The following SMG1 variants were observed in gnomAD, a reference collection of about 807,000 sequenced individuals.
SMG1 encodes SMG1 nonsense mediated mRNA decay associated PI3K related kinase.
SMG1 carries 22 observed loss-of-function variants against 419.9 expected under a neutral mutation model. That is an observed-to-expected ratio of 0.05 (90% CI 0.04 to 0.07). The LOEUF (loss-of-function observed/expected upper bound fraction) is 0.07, where lower values mean the gene tolerates loss of function less well. SMG1 is among the 10% of genes least tolerant of loss of function. The probability of loss-of-function intolerance (pLI) is 1.00; values close to 1 mark genes in which losing one functional copy is unlikely to be tolerated. For synonymous variants in SMG1, 1,538 were observed against 1,553.5 expected (o/e 0.99, Z 0.23); for missense variants, 3,185 against 4,342.0 (o/e 0.73, Z 7.49).
intron 1 of SMG1, among the ~76,000 whole-genome samples, chr16:18,904,533 G>A (rs2037482070): frequency 6.6e-6 from 1 of 151,960 alleles, no homozygotes; most frequent in Non-Finnish European, 1.5e-5. Flanking sequence ...AGCTACCTGG[G>A]AGGCTGAGGC....
At chr16:18,901,459 C>T (rs1172664558) in intron 1 of SMG1, among the ~76,000 whole-genome samples, 1 of 152,110 alleles carries the variant, frequency 6.6e-6, no homozygotes, top group Non-Finnish European at 1.5e-5. Context: ...AGCAATCCTC[C>T]CACCTCAGCC....
At chr16:18,880,723 G>GGT (rs1555501211) in intron 10 of SMG1, among the ~76,000 whole-genome samples, 1 of 140,428 alleles carries the variant, frequency 7.1e-6, no homozygotes, top group Non-Finnish European at 1.5e-5. Context: ...AAAAAAAAAG[G>GGT]GGGGGGGCGC....
At chr16:18,903,400 C>A (rs1567447667) in intron 1 of SMG1, among the ~76,000 whole-genome samples, 1 of 152,168 alleles carries the variant, frequency 6.6e-6, no homozygotes, top group Non-Finnish European at 1.5e-5. Context: ...TCAAGTGGGC[C>A]TCTGAAGTTG....
At chr16:18,849,489 G>A (rs2141372324) in intron 35 of SMG1, 111 bp from the exon 36 acceptor site, 3 of 1,003,312 alleles carry the variant, frequency 3.0e-6, no homozygotes, top group Non-Finnish European at 4.4e-6. Context: ...CATTAGTACG[G>A]ATTTTAAGAG....
At chr16:18,862,402 A>T (rs2035262899) in intron 25 of SMG1, among the ~76,000 whole-genome samples, 1 of 152,218 alleles carries the variant, frequency 6.6e-6, no homozygotes, top group South Asian at 2.1e-4. Context: ...GCTCTAGAGT[A>T]TAGAGACTGA....
intron 50 of SMG1, 97 bp downstream of exon 50, chr16:18,834,107 C>T (rs1246282079): frequency 1.2e-6 from 1 of 837,286 alleles, no homozygotes; most frequent in African/African-American, 1.7e-5. Flanking sequence ...GAGCAACATT[C>T]AAATGGGGAA....
In SMG1 at chr16:18,829,594, T is replaced by A; in HGVS notation, c.9295A>T (p.Asn3099Tyr). 6.2e-7 allele frequency: 1 copy of A among 1,614,002 alleles called. No homozygotes were observed. Among genetic ancestry groups the A allele is most frequent in the East Asian group, 2.2e-5 (1 of 44,886 alleles). Residue 3099 changes from asparagine (N) to tyrosine (Y), a missense_variant, in exon 54 of 63, where the codon AAC (asparagine) becomes TAC (tyrosine). Physicochemically the swap from Asn to Tyr is moderately radical, Grantham distance 143. Coordinates refer to ENST00000446231, the MANE Select transcript of SMG1 (RefSeq NM_015092.5). ...CACAGTGTGAGTCCGAGGGCTTGGT[T>A]GGGTAGCCCTATCAAGAGCTGCCTC... Reference protein sequence around the residue: ...FVRQLLIGLPNQALGLTLCSF... With the variant: ...FVRQLLIGLPYQALGLTLCSF...
chr16:18,870,425 A>G (rs1446744204), intron 18 of SMG1, among the ~76,000 whole-genome samples, 185 bp downstream of exon 18: 1 of 152,228 alleles, frequency 6.6e-6, no homozygotes, highest in Admixed American at 6.5e-5. Context: ...GCTCATTAAA[A>G]ATTTTTAATT....
Position 18,829,621 on chromosome 16 carries a change from C to G in SMG1, c.9268G>C (p.Val3090Leu). The G allele has an allele frequency of 6.2e-7, 1 of 1,613,986 alleles. No individual in the cohort carries two copies. Among genetic ancestry groups the G allele is most frequent in the African/African-American group, 1.3e-5 (1 of 75,052 alleles). Reference protein sequence around the residue: ...KPIKAFTADFVRQLLIGLPNQ... With the variant: ...KPIKAFTADFLRQLLIGLPNQ... The stretch of plus-strand genomic sequence containing the variant: ...GGTAGCCCTATCAAGAGCTGCCTCA[C>G]AAAGTCAGCTGTGAATGCCTTGATA... Residue 3090 changes from valine to leucine, a missense_variant, in exon 54 of 63, where the codon GTG becomes CTG. This residue lies in a region of SMG1 where 737 missense variants were observed against 846.6 expected (regional missense o/e 0.87). Transcript: ENST00000446231.
chr16:18,817,186 A>C, intron 57 of SMG1, 105 bp downstream of exon 57: 4 of 856,268 alleles, frequency 4.7e-6, no homozygotes, highest in Non-Finnish European at 3.1e-6. Context: ...AACCTCTTAC[A>C]TACAGTATAT....
intron 1 of SMG1, among the ~76,000 whole-genome samples, chr16:18,922,688 C>A (rs1201065599): frequency 6.6e-6 from 1 of 152,104 alleles, no homozygotes; most frequent in African/African-American, 2.4e-5. Context: ...GTCAGTTGGC[C>A]AGGCTGGTCT....
At chr16:18,882,090 C>G in intron 10 of SMG1, 75 bp downstream of exon 10, 2 of 989,954 alleles carry the variant, frequency 2.0e-6, no homozygotes, top group African/African-American at 3.3e-5. Context: ...AACAGTTCAC[C>G]AGGTAAAGAG....
At chr16:18,811,553 G>T (rs1449265899) in intron 62 of SMG1, among the ~76,000 whole-genome samples, 1 of 152,150 alleles carries the variant, frequency 6.6e-6, no homozygotes, top group Non-Finnish European at 1.5e-5. Context: ...CAGGGCTAGG[G>T]GAAAGGAAAG....
At chr16:18,834,697 G>C (rs1012967099) in intron 49 of SMG1, among the ~76,000 whole-genome samples, 195 bp downstream of exon 49, 4 of 152,184 alleles carry the variant, frequency 2.6e-5, no homozygotes, top group African/African-American at 9.7e-5. Context: ...TGTGAGCCGA[G>C]ATCGTGCCAC....
chr16:18,858,760 G>C (rs1469273005), intron 28 of SMG1: 1 of 361,404 alleles, frequency 2.8e-6, no homozygotes, highest in African/African-American at 2.1e-5. Flanking sequence ...TAAAGGAACT[G>C]TCTTTACATA....
In SMG1 at chr16:18,833,098, G is replaced by A; in HGVS notation, c.8634C>T (p.Tyr2878=). 1.9e-6 allele frequency: 3 copies of A among 1,613,976 alleles called. No individual in the cohort carries two copies. The highest frequency in any genetic ancestry group is 2.5e-6 in the Non-Finnish European group (3 of 1,179,882). Residue 2878 remains tyrosine, a synonymous_variant, in exon 51 of 63, where the codon TAC becomes TAT. Coordinates refer to ENST00000446231, the MANE Select transcript of SMG1 (RefSeq NM_015092.5). ...GTTCATGCAGCATACTTTCTAACGTGTATTCCCCTTTCATTAAACATCGAA... is the reference window on the plus strand; with the variant it reads ...GTTCATGCAGCATACTTTCTAACGTATATTCCCCTTTCATTAAACATCGAA... ...EALRCLMKGE[Y]TLESMLHELD...
Position 18,917,201 on chromosome 16 carries a change from G to A in SMG1, c.92+8749C>T, listed in dbSNP as rs2038016879. Among the ~76,000 whole-genome samples the A allele has an allele frequency of 4.6e-5, 7 of 152,198 alleles. 1 individual carries two copies. The South Asian group carries it at 1.5e-3, about 32-fold the overall frequency. ...GAGTTTCGCTCCTGTTGCCCAGGCT[G>A]GAGTACAATGGCCCGATCTCGGCTC... On this transcript the variant is annotated intron_variant, in intron 1 of 62. Transcript: ENST00000446231.
At chr16:18,893,305 T>C (rs550575995) in intron 3 of SMG1, among the ~76,000 whole-genome samples, 97 of 152,240 alleles carry the variant, frequency 6.4e-4, no homozygotes, top group Non-Finnish European at 1.3e-3. Flanking sequence ...GTGAATACTA[T>C]GAGTATAATA....
chr16:18,870,621 A>G lies in SMG1; in HGVS notation c.2481T>C (p.Asp827=). ...AACAACTGTTATACCTTAGGACAAC[A>G]TCTAAAGGAATTGATTTCAACAGTT... is the stretch of plus-strand genomic sequence containing the variant. ...FGKLLKSIPL[D]VVLSNNNHTE... The change falls in exon 18 of 63, where the codon GAT becomes GAC. Residue 827 remains aspartate, a synonymous_variant. Coordinates refer to ENST00000446231, the MANE Select transcript of SMG1 (RefSeq NM_015092.5). The G allele has an allele frequency of 6.3e-7, 1 of 1,592,288 alleles. No homozygotes were observed. The highest frequency in any genetic ancestry group is 8.6e-7 in the Non-Finnish European group (1 of 1,166,316).
Sources: gnomAD v4.1 joint callset for allele counts (sites outside exome capture counted in the v4.1 genomes callset) on GRCh38, gnomAD v4.1.1 for gene constraint, gnomAD v4.1.1 regional missense constraint, MANE v1.5 for transcripts, NCBI Gene and HGNC (gene_info 2026-07-23, HGNC 2026-07-21) for gene names.